ABLIM2: variants seen among roughly 807,000 people sequenced by gnomAD.
The protein encoded by ABLIM2 is actin-binding LIM protein 2.
A neutral mutation model predicts 97.7 loss-of-function variants in ABLIM2; 53 were observed. The ratio of observed to expected loss-of-function variants is 0.54; its 90% CI spans 0.44 to 0.68. The LOEUF (loss-of-function observed/expected upper bound fraction) is 0.68. Among genes scored for constraint, ABLIM2 ranks in the 30% least tolerant of loss-of-function variants. The pLI is 0.00. For synonymous variants in ABLIM2, 361 were observed against 345.8 expected (o/e 1.04, Z -0.49); for missense variants, 835 against 867.2 (o/e 0.96, Z 0.47).
At chr4:7,983,375 C>T (rs1362365769) in intron 19 of ABLIM2, 31 bp from the exon 20 acceptor site, 1 of 1,603,676 alleles carries the variant, frequency 6.2e-7, no homozygotes, top group Non-Finnish European at 8.5e-7. Flanking sequence ...AGGGTCACCT[C>T]ACGAAGCAAG....
rs1046567487 is a variant in ABLIM2 at position 8,103,776 on chromosome 4, C to T, written c.154+2718G>A. 2.0e-5 allele frequency among the ~76,000 whole-genome samples: 3 copies of T among 152,324 alleles called. 1 individual carries two copies. The highest frequency in any genetic ancestry group is 6.8e-3 in the Middle Eastern group (2 of 294). ...GAGGAGGGGGACCCGGGGCAGTTTC[C>T]GCCAGCTATGAGTCCGCTGGGTCAC... On this transcript the variant is annotated intron_variant, in intron 2 of 20. Transcript: ENST00000447017.
chr4:8,050,678 C>T (rs1177805456), intron 8 of ABLIM2, among the ~76,000 whole-genome samples: 7 of 152,236 alleles, frequency 4.6e-5, no homozygotes, highest in African/African-American at 1.7e-4. Context: ...TTGCACCTGA[C>T]GGAACAAAAC....
intron 20 of ABLIM2, among the ~76,000 whole-genome samples, chr4:7,969,729 TGACACA>T (rs779020167): frequency 4.0e-5 from 2 of 49,626 alleles, no homozygotes; most frequent in Non-Finnish European, 7.0e-5. Context: ...TCTCTCTCTC[TGACACA>T]CACACACACA....
rs948705800 is a variant in ABLIM2, at chr4:8,113,854, T to C, written c.11-7217A>G. Reference sequence around the variant, plus strand: ...GGTCACAGGACACACAGTTCCAGCTTCCCTTTCACACCTTTCCTTCTGACC... The same window carrying C: ...GGTCACAGGACACACAGTTCCAGCTCCCCTTTCACACCTTTCCTTCTGACC... On this transcript the variant is annotated intron_variant, in intron 1 of 20. Coordinates refer to ENST00000447017, the MANE Select transcript of ABLIM2 (RefSeq NM_001130083.2). The surrounding 1 kb of genome is among the most constrained non-coding windows in gnomAD (Gnocchi z 4.5). 2.0e-5 allele frequency among the ~76,000 whole-genome samples: 3 copies of C among 152,154 alleles called. No homozygotes were observed. Among genetic ancestry groups the C allele is most frequent in the African/African-American group, 7.2e-5 (3 of 41,432 alleles).
At chr4:8,088,362 AC>A in intron 3 of ABLIM2, 78 bp from the exon 4 acceptor site, 4 of 1,136,858 alleles carry the variant, frequency 3.5e-6, no homozygotes, top group Middle Eastern at 2.0e-4. Context: ...AGTGCAGGAG[AC>A]CAGGGCCAAT....
rs961403389 is a variant in ABLIM2 at position 8,082,947 on chromosome 4, G to T, written c.455-2145C>A. On this transcript the variant is annotated intron_variant, in intron 4 of 20. Coordinates refer to ENST00000447017, the MANE Select transcript of ABLIM2 (RefSeq NM_001130083.2). The surrounding 1 kb of genome is among the most constrained non-coding windows in gnomAD (Gnocchi z 5.6). ...CATTTTGCAAAGCTCTGCATCAGTGGCTCTCAACTTGGGGCACTTTTGCCC... is the reference window on the plus strand; with the variant it reads ...CATTTTGCAAAGCTCTGCATCAGTGTCTCTCAACTTGGGGCACTTTTGCCC... Among the ~76,000 whole-genome samples the T allele has an allele frequency of 6.6e-6, 1 of 152,172 alleles. No individual in the cohort carries two copies. Among genetic ancestry groups the T allele is most frequent in the African/African-American group, 2.4e-5 (1 of 41,446 alleles).
Position 7,998,741 on chromosome 4 carries a change from G to T in ABLIM2, c.1619-5814C>A. 1 of 469,284 alleles carries T rather than the reference G, an allele frequency of 2.1e-6. No individual in the cohort carries two copies. The highest frequency in any genetic ancestry group is 4.3e-6 in the Non-Finnish European group (1 of 234,228). The allele number at this position is 469,284 out of a possible 1,614,324, so 29.1% of individuals were successfully genotyped here. A position where few individuals can be genotyped will look rare whatever the true frequency, so the allele number is the denominator to read the frequency against. ...TGCATGGGAGGCTGGGAGTCTGCTGGCCTGGGCCACCTCCTGCTGCTGGGT... is the reference window on the plus strand; with the variant it reads ...TGCATGGGAGGCTGGGAGTCTGCTGTCCTGGGCCACCTCCTGCTGCTGGGT... On this transcript the variant is annotated intron_variant, in intron 16 of 20. Transcript: ENST00000447017. The surrounding 1 kb of genome is among the most constrained non-coding windows in gnomAD (Gnocchi z 6.4).
intron 7 of ABLIM2, among the ~76,000 whole-genome samples, chr4:8,055,215 G>A (rs1170692586): frequency 6.6e-6 from 1 of 152,154 alleles, no homozygotes; most frequent in Non-Finnish European, 1.5e-5. Context: ...TTGTGCATGG[G>A]GGACTCAGTG....
chr4:8,130,009 G>A lies in ABLIM2; in HGVS notation c.11-23372C>T, dbSNP rs756437819. 6.6e-5 allele frequency among the ~76,000 whole-genome samples: 10 copies of A among 152,212 alleles called. No individual in the cohort carries two copies. The highest frequency in any genetic ancestry group is 1.5e-4 in the Non-Finnish European group (10 of 68,038). On this transcript the variant is annotated intron_variant, in intron 1 of 20. Transcript: ENST00000447017. The surrounding 1 kb of genome is among the most constrained non-coding windows in gnomAD (Gnocchi z 4.2). ...CTAGTCAGCACAGCTGGTGCCCTGC[G>A]GGCTCCCAGCACTCAGCACTGCCTG...
At position 8,012,703 on chromosome 4, in the gene ABLIM2, T is replaced by C. The variant is rs554699129; in HGVS notation, c.1424-3601A>G. 4.0e-5 allele frequency among the ~76,000 whole-genome samples: 6 copies of C among 151,434 alleles called. No individual in the cohort carries two copies. In the East Asian group the frequency reaches 1.2e-3, roughly 30 times the overall value. ...TGCCTTCACTTATTTTGATATTTAT[T>C]CATCCAGCTTCCACTTATCTACTCA... On this transcript the variant is annotated intron_variant, in intron 14 of 20. Transcript: ENST00000447017.
chr4:8,146,078 T>C (rs1204352378), intron 1 of ABLIM2, among the ~76,000 whole-genome samples: 1 of 152,244 alleles, frequency 6.6e-6, no homozygotes, highest in African/African-American at 2.4e-5. Context: ...TTTTTCTGCA[T>C]CTTTTGCAGA....
chr4:8,055,371 CCT>C (rs1290299111), intron 7 of ABLIM2, among the ~76,000 whole-genome samples: 1 of 151,596 alleles, frequency 6.6e-6, no homozygotes. Context: ...CCTGCTGCCC[CCT>C]GCGATGGGCT....
intron 4 of ABLIM2, among the ~76,000 whole-genome samples, chr4:8,081,350 C>T (rs1189481352): frequency 6.6e-6 from 1 of 152,228 alleles, no homozygotes; most frequent in African/African-American, 2.4e-5. Context: ...CTGGTGCCCT[C>T]TCTGTCCTTC....
chr4:8,020,423 C>G (rs1202721842), intron 12 of ABLIM2, 120 bp from the exon 13 acceptor site: 1 of 888,390 alleles, frequency 1.1e-6, no homozygotes, highest in Non-Finnish European at 1.8e-6. Flanking sequence ...GTGGAGCAGC[C>G]CAGATCCCCT....
intron 14 of ABLIM2, among the ~76,000 whole-genome samples, chr4:8,017,427 C>T (rs1770207895): frequency 6.6e-6 from 1 of 151,962 alleles, no homozygotes; most frequent in South Asian, 2.1e-4. Flanking sequence ...GCTGGGACTA[C>T]AGGTGCACAT....
chr4:8,094,231 C>T lies in ABLIM2; in HGVS notation c.338+2868G>A, dbSNP rs1044763058. On this transcript the variant is annotated intron_variant, in intron 3 of 20. Coordinates refer to ENST00000447017, the MANE Select transcript of ABLIM2 (RefSeq NM_001130083.2). ...TTCATATTTCCTTAAAATACTTAAA[C>T]ATATTTACAGTAGCTATTTTAAAGT... Among the ~76,000 whole-genome samples the T allele has an allele frequency of 7.2e-5, 11 of 152,020 alleles. No individual in the cohort carries two copies. In the South Asian group the frequency reaches 1.5e-3, roughly 20 times the overall value.
chr4:8,106,255 C>G (rs1244418662), intron 2 of ABLIM2, among the ~76,000 whole-genome samples: 1 of 152,206 alleles, frequency 6.6e-6, no homozygotes, highest in Non-Finnish European at 1.5e-5. Context: ...CACGAGGACA[C>G]CCCTAGGGAC....
chr4:7,986,037 T>C lies in ABLIM2; in HGVS notation c.1681-1144A>G, dbSNP rs16841530. Reference sequence around the variant, plus strand: ...GCGGTTGTGCCTTGGCTGCCCGCGGTGGACGGAGCCTGTTGAAGAAAATGT... The same window carrying C: ...GCGGTTGTGCCTTGGCTGCCCGCGGCGGACGGAGCCTGTTGAAGAAAATGT... On this transcript the variant is annotated intron_variant, in intron 17 of 20. Transcript: ENST00000447017. This position sits in a 1 kb window ranked among gnomAD's most constrained non-coding sequence, Gnocchi z 4.3. 0.14 allele frequency among the ~76,000 whole-genome samples: 21,764 copies of C among 152,232 alleles called. 1,994 individuals carry two copies. The highest frequency in any genetic ancestry group is 0.33 in the East Asian group (1,686 of 5,150).
chr4:8,012,845 T>C (rs1273206845), intron 14 of ABLIM2, among the ~76,000 whole-genome samples: 1 of 152,174 alleles, frequency 6.6e-6, no homozygotes, highest in Admixed American at 6.5e-5. Flanking sequence ...TCCACTTCAT[T>C]TCTTTGCCCA....
Sources: allele counts gnomAD v4.1 joint callset (sites outside exome capture counted in the v4.1 genomes callset), GRCh38; gene constraint gnomAD v4.1.1; non-coding constraint Gnocchi (gnomAD v3.1); transcripts MANE v1.5; gene names NCBI Gene and HGNC (gene_info 2026-07-23, HGNC 2026-07-21).